Variants in CWC27 observed in about 807,000 individuals in gnomAD.
CWC27 encodes CWC27 spliceosome associated cyclophilin.
Under a neutral mutation model 63.6 loss-of-function variants are expected in CWC27, and 47 were observed. The ratio of observed to expected loss-of-function variants is 0.74; its 90% CI spans 0.58 to 0.94. The LOEUF is 0.94. CWC27 is among the 40% of genes least tolerant of loss of function. The pLI, the probability that CWC27 is intolerant of heterozygous loss-of-function variation, is 0.00. For missense variants in CWC27, 495 were observed against 554.3 expected, an observed-to-expected ratio of 0.89 and a Z score of 1.07; for synonymous variants, 175 against 179.8, an observed-to-expected ratio of 0.97 and a Z score of 0.22.
intron 2 of CWC27, among the ~76,000 whole-genome samples, chr5:64,775,828 A>G (rs1743421387): frequency 6.6e-6 from 1 of 151,996 alleles, no homozygotes; most frequent in African/African-American, 2.4e-5. Context: ...TATGGTTTGG[A>G]ATATCTCCAG....
intron 11 of CWC27, among the ~76,000 whole-genome samples, chr5:64,909,278 A>C (rs1448927328): frequency 6.6e-6 from 1 of 152,202 alleles, no homozygotes; most frequent in African/African-American, 2.4e-5. Flanking sequence ...GAGAGGTTTC[A>C]GTGGAAACTG....
intron 11 of CWC27, among the ~76,000 whole-genome samples, chr5:64,942,517 A>G (rs531025357): frequency 4.2e-4 from 64 of 151,936 alleles, no homozygotes; most frequent in African/African-American, 1.5e-3. Context: ...ATATGAAAAC[A>G]CACATATATA....
intron 11 of CWC27, among the ~76,000 whole-genome samples, chr5:64,950,106 T>G: frequency 6.6e-6 from 1 of 152,056 alleles, no homozygotes; most frequent in Non-Finnish European, 1.5e-5. Flanking sequence ...ATATGTTGAA[T>G]TAAATTTTAA....
At chr5:64,878,066 T>C (rs748339582) in intron 10 of CWC27, among the ~76,000 whole-genome samples, 21 of 152,082 alleles carry the variant, frequency 1.4e-4, no homozygotes, top group Admixed American at 3.3e-4. Flanking sequence ...TTATGCATTT[T>C]AGAAACATTA....
intron 11 of CWC27, among the ~76,000 whole-genome samples, chr5:64,932,641 A>T (rs61363817): frequency 0.1 from 15,648 of 152,150 alleles, 2,585 homozygotes; most frequent in African/African-American, 0.35. Flanking sequence ...GGATCCAAAC[A>T]GTTCAATCAA....
chr5:64,940,247 G>A (rs1254725218), intron 11 of CWC27, among the ~76,000 whole-genome samples: 2 of 152,032 alleles, frequency 1.3e-5, no homozygotes, highest in South Asian at 2.1e-4. Context: ...GGTGGTGTAG[G>A]CTCCAGAGGG....
At chr5:64,930,432 A>G (rs544926169) in intron 11 of CWC27, among the ~76,000 whole-genome samples, 8 of 152,284 alleles carry the variant, frequency 5.3e-5, no homozygotes, top group African/African-American at 1.9e-4. Flanking sequence ...ATTGAAACCA[A>G]TAAAAAAAAT....
At chr5:64,943,909 C>T (rs775231660) in intron 11 of CWC27, among the ~76,000 whole-genome samples, 10 of 152,046 alleles carry the variant, frequency 6.6e-5, no homozygotes, top group Non-Finnish European at 1.0e-4. Context: ...TTTCTTAAGT[C>T]TGAGCAACAA....
intron 11 of CWC27, among the ~76,000 whole-genome samples, chr5:64,955,541 C>T (rs534897399): frequency 2.0e-5 from 3 of 152,120 alleles, no homozygotes; most frequent in Admixed American, 6.5e-5. Flanking sequence ...TTGAGCAGGG[C>T]GACCCCCATT....
intron 8 of CWC27, 39 bp from the exon 9 acceptor site, chr5:64,801,263 C>A (rs2112207769): frequency 2.2e-6 from 3 of 1,389,924 alleles, no homozygotes; most frequent in Non-Finnish European, 2.9e-6. Context: ...GTTAGTTTTA[C>A]CTTGAAACTA....
At chr5:64,922,219 A>G (rs1748011057) in intron 11 of CWC27, among the ~76,000 whole-genome samples, 2 of 152,212 alleles carry the variant, frequency 1.3e-5, no homozygotes, top group African/African-American at 2.4e-5. Flanking sequence ...ATATCCTCAA[A>G]TATGTTTTCC....
intron 13 of CWC27, among the ~76,000 whole-genome samples, chr5:65,007,402 A>T (rs150311760): frequency 1.2e-3 from 190 of 152,244 alleles, no homozygotes; most frequent in African/African-American, 4.4e-3. Flanking sequence ...AAAGCTAAGG[A>T]TATTGCTCTA....
chr5:64,861,822 T>C (rs1746419102), intron 10 of CWC27, among the ~76,000 whole-genome samples: 2 of 152,182 alleles, frequency 1.3e-5, no homozygotes, highest in Admixed American at 6.5e-5. Context: ...TGCATTGCTA[T>C]AGGAATATAG....
At chr5:64,830,623 A>G (rs1217852346) in intron 10 of CWC27, among the ~76,000 whole-genome samples, 1 of 152,166 alleles carries the variant, frequency 6.6e-6, no homozygotes, top group Admixed American at 6.5e-5. Flanking sequence ...AGAAACTACC[A>G]TCAGAGTGAA....
intron 11 of CWC27, among the ~76,000 whole-genome samples, chr5:64,899,929 TG>T (rs1747463364): frequency 6.6e-6 from 1 of 152,244 alleles, no homozygotes; most frequent in African/African-American, 2.4e-5. Flanking sequence ...TGTACTTTTT[TG>T]TCTGACTTCT....
chr5:64,905,493 T>C (rs1409095919), intron 11 of CWC27, among the ~76,000 whole-genome samples: 1 of 152,150 alleles, frequency 6.6e-6, no homozygotes, highest in Non-Finnish European at 1.5e-5. Context: ...TTTCTGTTTA[T>C]CTTTTAATCT....
intron 11 of CWC27, among the ~76,000 whole-genome samples, chr5:64,940,926 A>G (rs1580739553): frequency 7.8e-6 from 1 of 128,558 alleles, no homozygotes; most frequent in Non-Finnish European, 1.5e-5. Flanking sequence ...GGCTCACTGC[A>G]CCCTCTGCCT....
At chr5:64,885,254 A>T (rs1362370898) in intron 10 of CWC27, among the ~76,000 whole-genome samples, 189 bp from the exon 11 acceptor site, 2 of 152,152 alleles carry the variant, frequency 1.3e-5, no homozygotes, top group Non-Finnish European at 2.9e-5. Flanking sequence ...TTATTATGAA[A>T]AAATTAGAAC....
intron 11 of CWC27, among the ~76,000 whole-genome samples, chr5:64,933,256 T>C (rs1241485041): frequency 6.6e-6 from 1 of 152,222 alleles, no homozygotes; most frequent in East Asian, 1.9e-4. Context: ...GATCATGATA[T>C]ATATTTAATA....
Sources: allele counts gnomAD v4.1 joint callset (sites outside exome capture counted in the v4.1 genomes callset), GRCh38; gene constraint gnomAD v4.1.1; transcripts MANE v1.5; gene names NCBI Gene and HGNC (gene_info 2026-07-23, HGNC 2026-07-21).